ISM1: variants seen among roughly 807,000 people sequenced by gnomAD.
ISM1 encodes isthmin 1.
A neutral mutation model predicts 46.3 loss-of-function variants in ISM1; 25 were observed. That is an observed-to-expected ratio of 0.54 (90% CI 0.39 to 0.75). ISM1 has a LOEUF of 0.75. ISM1 is among the 30% of genes least tolerant of loss of function. The pLI is 0.00. For missense variants in ISM1, 536 were observed against 625.4 expected (o/e 0.86, Z 1.52); for synonymous variants, 255 against 256.7 (o/e 0.99, Z 0.06).
At chr20:13,222,220 G>A (rs896205834) in intron 1 of ISM1, among the ~76,000 whole-genome samples, 2 of 152,156 alleles carry the variant, frequency 1.3e-5, no homozygotes, top group Non-Finnish European at 2.9e-5. Context: ...CAGAGGAAGT[G>A]TGGAGAATGT....
At chr20:13,260,759 G>T (rs1289789369) in intron 1 of ISM1, among the ~76,000 whole-genome samples, 4 of 152,054 alleles carry the variant, frequency 2.6e-5, no homozygotes. Context: ...AATAACCAAG[G>T]TCCTATATCA....
At chr20:13,277,466 GC>G (rs1568683142) in intron 2 of ISM1, among the ~76,000 whole-genome samples, 1 of 151,998 alleles carries the variant, frequency 6.6e-6, no homozygotes, top group African/African-American at 2.4e-5. Context: ...GCTCAGCATC[GC>G]CCTGTCACTG....
chr20:13,304,603 T>C (rs2040485673), downstream of ISM1, among the ~76,000 whole-genome samples: 1 of 152,132 alleles, frequency 6.6e-6, no homozygotes, highest in Non-Finnish European at 1.5e-5. Flanking sequence ...TGGAGCCCAG[T>C]GAGCTTGCAC....
intron 5 of ISM1, among the ~76,000 whole-genome samples, chr20:13,297,769 T>C (rs752496722): frequency 1.1e-4 from 17 of 152,264 alleles, no homozygotes; most frequent in Non-Finnish European, 2.1e-4. Flanking sequence ...AATAACCTAA[T>C]TCTTAAATAT....
chr20:13,237,644 C>T (rs2039667307), intron 1 of ISM1, among the ~76,000 whole-genome samples: 1 of 152,092 alleles, frequency 6.6e-6, no homozygotes, highest in Non-Finnish European at 1.5e-5. Flanking sequence ...TAGGTGTCTT[C>T]AGTTTGTGAA....
intron 1 of ISM1, among the ~76,000 whole-genome samples, chr20:13,269,681 T>C (rs990997619): frequency 2.0e-5 from 3 of 152,196 alleles, no homozygotes; most frequent in African/African-American, 7.2e-5. Context: ...TGTCACCTTC[T>C]CTGAGGGGTT....
intron 1 of ISM1, among the ~76,000 whole-genome samples, chr20:13,241,750 C>T (rs1169808277): frequency 6.6e-6 from 1 of 152,060 alleles, no homozygotes; most frequent in African/African-American, 2.4e-5. Context: ...TGGAACAGTG[C>T]TTAGTATTCA....
At chr20:13,280,023 C>T in intron 3 of ISM1, 125 bp downstream of exon 3, 2 of 895,042 alleles carry the variant, frequency 2.2e-6, no homozygotes, top group Non-Finnish European at 1.7e-6. Flanking sequence ...AGGCAAACCT[C>T]ACAAAGGCTG....
chr20:13,271,570 A>G (rs2123255260), intron 2 of ISM1, among the ~76,000 whole-genome samples: 1 of 152,362 alleles, frequency 6.6e-6, no homozygotes, highest in Middle Eastern at 3.4e-3. Flanking sequence ...TGTTTGGTTT[A>G]CCCAAAGTCA....
intron 1 of ISM1, among the ~76,000 whole-genome samples, chr20:13,268,502 C>T (rs1281279898): frequency 2.0e-5 from 3 of 152,096 alleles, no homozygotes; most frequent in African/African-American, 4.8e-5. Context: ...TGCCAGGAGA[C>T]GAAAACCATG....
At position 13,288,549 on chromosome 20, in the gene ISM1, A is replaced by G. The variant is rs769736147; in HGVS notation, c.653A>G (p.Asp218Gly). The stretch of plus-strand genomic sequence containing the variant: ...CCTGGCTGTCTTCCAGATTCCACAG[A>G]TGGCGAGGGTGACTGGAGTCTCTGG... ...TKDQPEYDST[D>G]GEGDWSLWSV... is the part of the protein sequence containing the mutation. The change falls in exon 4 of 6, where the codon GAT (aspartate) becomes GGT (glycine). Residue 218 changes from aspartate (D) to glycine (G), a missense_variant. By Grantham distance (94) the Asp-to-Gly change is moderately conservative. Transcript: ENST00000262487. The G allele has an allele frequency of 4.3e-6, 7 of 1,613,646 alleles. No homozygotes were observed. The highest frequency in any genetic ancestry group is 2.2e-5 in the South Asian group (2 of 91,044).
chr20:13,238,677 T>G (rs547473228), intron 1 of ISM1, among the ~76,000 whole-genome samples: 1 of 152,334 alleles, frequency 6.6e-6, no homozygotes, highest in East Asian at 1.9e-4. Flanking sequence ...ATTTATAATA[T>G]ACAGGATGTT....
At chr20:13,318,514 A>C in the ISM1 span, among the ~76,000 whole-genome samples, 1 of 152,248 alleles carries the variant, frequency 6.6e-6, no homozygotes. Flanking sequence ...GTGTCCACAC[A>C]AAAACAAAAA....
intron 1 of ISM1, among the ~76,000 whole-genome samples, chr20:13,229,351 A>G (rs1400195242): frequency 6.6e-6 from 1 of 152,198 alleles, no homozygotes; most frequent in East Asian, 1.9e-4. Flanking sequence ...TCCAGAGGCA[A>G]CCAATTTCTG....
At chr20:13,261,681 A>G (rs6134838) in intron 1 of ISM1, among the ~76,000 whole-genome samples, 12,111 of 152,238 alleles carry the variant, frequency 0.08, 497 homozygotes, top group East Asian at 0.18. Flanking sequence ...TTAACGTCCA[A>G]TGACCTTTGA....
chr20:13,273,697 T>A (rs1160007963), intron 2 of ISM1, among the ~76,000 whole-genome samples: 5 of 152,322 alleles, frequency 3.3e-5, no homozygotes, highest in South Asian at 2.1e-4. Context: ...GATGTGAATG[T>A]TATTGGCCAA....
At chr20:13,318,160 T>TAAATAAATAAAC in the ISM1 span, among the ~76,000 whole-genome samples, 2 of 151,146 alleles carry the variant, frequency 1.3e-5, no homozygotes, top group African/African-American at 4.9e-5. Context: ...AATAAATAAA[T>TAAATAAATAAAC]AAAAATGAGC....
chr20:13,264,069 A>G (rs564510760), intron 1 of ISM1, among the ~76,000 whole-genome samples: 17 of 152,320 alleles, frequency 1.1e-4, no homozygotes, highest in Non-Finnish European at 2.1e-4. Context: ...TCGTTACCCA[A>G]TGATAACTTT....
chr20:13,320,796 G>T, the ISM1 span, among the ~76,000 whole-genome samples: 1 of 152,152 alleles, frequency 6.6e-6, no homozygotes, highest in Non-Finnish European at 1.5e-5. Flanking sequence ...CAAAAAAAGA[G>T]GGAGTGGGAA....
Sources: allele counts gnomAD v4.1 joint callset (sites outside exome capture counted in the v4.1 genomes callset), GRCh38; gene constraint gnomAD v4.1.1; transcripts MANE v1.5; gene names NCBI Gene and HGNC (gene_info 2026-07-23, HGNC 2026-07-21).